Variants in FGF13 observed in about 807,000 individuals in gnomAD.
FGF13 encodes fibroblast growth factor 13.
Under a neutral mutation model 19.5 loss-of-function variants are expected in FGF13, and 2 were observed. The observed-to-expected ratio is 0.10, with a 90% confidence interval of 0.04 to 0.32. The LOEUF (loss-of-function observed/expected upper bound fraction) is 0.32. FGF13 is among the 10% of genes least tolerant of loss of function. FGF13 has a pLI of 1.00. For missense variants in FGF13, 113 were observed against 192.7 expected (o/e 0.59, Z 2.45); for synonymous variants, 72 against 76.9 (o/e 0.94, Z 0.33).
intron 1 of FGF13, among the ~76,000 whole-genome samples, chrX:138,925,758 T>A (rs760870131): frequency 4.6e-4 from 52 of 111,981 alleles, no homozygotes; most frequent in African/African-American, 1.7e-3. Context: ...AAGTCTACCC[T>A]GGTGAATATT....
In FGF13 at chrX:138,770,582, T is replaced by C. The variant is rs1230527398; in HGVS notation, c.218-61654A>G. Among the ~76,000 whole-genome samples the C allele has an allele frequency of 8.1e-5, 9 of 111,497 alleles. 1 individual carries two copies. In the Admixed American group the frequency reaches 8.6e-4, roughly 11 times the overall value. On this transcript the variant is annotated intron_variant, in intron 3 of 6. Coordinates refer to the FGF13 transcript ENST00000436198. ...TTCTGTCCTCTGTGCTCTCATCGTG[T>C]CCTATGCACACCTACTATCGTGGCA...
intron 1 of FGF13, among the ~76,000 whole-genome samples, chrX:138,915,853 G>C (rs1603028611): frequency 8.9e-6 from 1 of 112,390 alleles, no homozygotes; most frequent in East Asian, 2.8e-4. Flanking sequence ...CTGGCTTATA[G>C]TATTTATTGA....
chrX:139,137,957 A>C (rs1212693839), intron 1 of FGF13, among the ~76,000 whole-genome samples: 2 of 112,359 alleles, frequency 1.8e-5, no homozygotes. Context: ...GACAGAGTCC[A>C]GAGTAATGGT....
At chrX:138,944,347 G>C (rs1244237023) in intron 1 of FGF13, among the ~76,000 whole-genome samples, 2 of 110,800 alleles carry the variant, frequency 1.8e-5, no homozygotes, top group African/African-American at 6.6e-5. Context: ...AAGGGAGATG[G>C]TTTGTAAAGA....
At chrX:139,121,299 A>C (rs914860898) in intron 1 of FGF13, among the ~76,000 whole-genome samples, 4 of 112,128 alleles carry the variant, frequency 3.6e-5, no homozygotes, top group Admixed American at 1.9e-4. Flanking sequence ...ACAGGGTAAA[A>C]GAAAGAGCAT....
In FGF13 at chrX:138,808,807, C is replaced by T. The variant is rs189759394; in HGVS notation, c.217+48705G>A. Among the ~76,000 whole-genome samples, 11 of 111,946 alleles carry T rather than the reference C, an allele frequency of 9.8e-5. No homozygotes were observed. The East Asian group carries it at 2.8e-3, about 29-fold the overall frequency. On this transcript the variant is annotated intron_variant, in intron 3 of 6. Transcript: ENST00000436198. ...AAATACAAACTACCATCAGAGAATG[C>T]TATAAACACCTCTATGCAAATAAAC...
chrX:138,730,472 T>C (rs148207401), intron 1 of FGF13, among the ~76,000 whole-genome samples: 1,671 of 111,675 alleles, frequency 0.015, 35 homozygotes, highest in African/African-American at 0.051. Flanking sequence ...AATCATGAAG[T>C]TTGTAAGAAA....
chrX:138,836,877 G>A (rs751740461), intron 3 of FGF13, among the ~76,000 whole-genome samples: 2 of 87,643 alleles, frequency 2.3e-5, no homozygotes, highest in Non-Finnish European at 4.2e-5. Flanking sequence ...CCTTTTGGTG[G>A]TGGGTTTTTT....
intron 1 of FGF13, among the ~76,000 whole-genome samples, chrX:139,010,431 A>C (rs923360735): frequency 2.7e-5 from 3 of 111,922 alleles, no homozygotes; most frequent in Non-Finnish European, 5.6e-5. Flanking sequence ...AAATTTAAGA[A>C]AACCAAATTT....
chrX:138,736,431 ATT>A (rs1353552651), intron 1 of FGF13, among the ~76,000 whole-genome samples: 1 of 111,704 alleles, frequency 9.0e-6, no homozygotes, highest in African/African-American at 3.3e-5. Flanking sequence ...CTATACAGCC[ATT>A]TTGGGCATAT....
At chrX:138,911,180 A>G (rs2091585439) in intron 1 of FGF13, among the ~76,000 whole-genome samples, 1 of 111,793 alleles carries the variant, frequency 8.9e-6, no homozygotes, top group Admixed American at 9.5e-5. Flanking sequence ...GTAGATTTTG[A>G]AGACAATTTC....
intron 1 of FGF13, among the ~76,000 whole-genome samples, chrX:138,724,835 G>A (rs1173642056): frequency 8.1e-5 from 9 of 111,596 alleles, no homozygotes; most frequent in Admixed American, 4.8e-4. Flanking sequence ...AAAACCTGGT[G>A]AAATCCAAAT....
intron 1 of FGF13, among the ~76,000 whole-genome samples, chrX:139,020,122 TCTCATACTTTTA>T (rs2092171908): frequency 1.8e-5 from 2 of 111,287 alleles, no homozygotes; most frequent in African/African-American, 6.5e-5. Flanking sequence ...AATTATACTT[TCTCATACTTTTA>T]TAAGAAGGAC....
chrX:138,876,615 G>A (rs186810861), intron 1 of FGF13, among the ~76,000 whole-genome samples: 3 of 111,956 alleles, frequency 2.7e-5, no homozygotes, highest in Non-Finnish European at 5.6e-5. Flanking sequence ...ACTGAAGTCT[G>A]CCAACAATCA....
At chrX:138,730,762 G>A (rs920790448) in intron 1 of FGF13, among the ~76,000 whole-genome samples, 4 of 111,044 alleles carry the variant, frequency 3.6e-5, no homozygotes, top group African/African-American at 9.8e-5. Flanking sequence ...ACTGAAAAAC[G>A]AAATAAAAGT....
chrX:138,973,943 T>G, intron 1 of FGF13, among the ~76,000 whole-genome samples: 1 of 111,705 alleles, frequency 9.0e-6, no homozygotes, highest in East Asian at 2.8e-4. Flanking sequence ...TAGGATTAGA[T>G]AAGGTCATCA....
intron 3 of FGF13, among the ~76,000 whole-genome samples, chrX:138,643,750 A>C (rs1245859448): frequency 5.4e-5 from 6 of 111,976 alleles, no homozygotes; most frequent in Non-Finnish European, 1.1e-4. Context: ...TAAGGTGAAT[A>C]ACCCCCTAAA....
chrX:139,094,246 ATC>A (rs201236428), intron 1 of FGF13, among the ~76,000 whole-genome samples: 20,191 of 111,394 alleles, frequency 0.18, 1,533 homozygotes, highest in Middle Eastern at 0.27. Context: ...AGAGCTATAT[ATC>A]TCTGTTAATG....
In FGF13 at chrX:138,887,862, G is replaced by C. The variant is rs2091458497; in HGVS notation, c.-112-23212C>G. Among the ~76,000 whole-genome samples the C allele has an allele frequency of 1.8e-5, 2 of 111,025 alleles. 1 individual carries two copies. Among genetic ancestry groups the C allele is most frequent in the South Asian group, 7.7e-4 (2 of 2,601 alleles). Reference sequence around the variant, plus strand: ...TAAATGTGACTGCCTTTTTATGTTGGCTTCCTCTGCCTAATAGAATGTCTC... The same window carrying C: ...TAAATGTGACTGCCTTTTTATGTTGCCTTCCTCTGCCTAATAGAATGTCTC... On this transcript the variant is annotated intron_variant, in intron 1 of 2. Coordinates refer to the FGF13 transcript ENST00000421460.
Sources: gnomAD v4.1 joint callset for allele counts (sites outside exome capture counted in the v4.1 genomes callset) on GRCh38, gnomAD v4.1.1 for gene constraint, MANE v1.5 for transcripts, NCBI Gene and HGNC (gene_info 2026-07-23, HGNC 2026-07-21) for gene names.